ZNF236: variants seen among roughly 807,000 people sequenced by gnomAD.
ZNF236 encodes zinc finger protein 236.
ZNF236 carries 50 observed loss-of-function variants against 191.2 expected under a neutral mutation model. That is an observed-to-expected ratio of 0.26 (90% CI 0.21 to 0.33). The LOEUF is 0.33. Ranked by LOEUF, ZNF236 falls within the 10% of genes least tolerant of loss-of-function variation. The probability of loss-of-function intolerance (pLI) is 1.00; values close to 1 mark genes in which losing one functional copy is unlikely to be tolerated. For missense variants in ZNF236, 1,754 were observed against 2,374.5 expected (o/e 0.74, Z 5.43); for synonymous variants, 907 against 928.8 (o/e 0.98, Z 0.43).
chr18:76,897,669 C>T (rs375409820), intron 10 of ZNF236, among the ~76,000 whole-genome samples: 2 of 151,942 alleles, frequency 1.3e-5, no homozygotes, highest in South Asian at 2.1e-4. Context: ...TAGTACCAAA[C>T]ACAGTACTGC....
chr18:76,950,815 C>T (rs564580649), intron 27 of ZNF236, among the ~76,000 whole-genome samples: 6 of 152,328 alleles, frequency 3.9e-5, no homozygotes, highest in Admixed American at 2.6e-4. Flanking sequence ...CTATCTATGT[C>T]GGCTACAGCC....
At chr18:76,891,032 A>G (rs553176845) in intron 9 of ZNF236, among the ~76,000 whole-genome samples, 1 of 152,330 alleles carries the variant, frequency 6.6e-6, no homozygotes, top group East Asian at 1.9e-4. Flanking sequence ...ATTATAGTGT[A>G]TAATACATGT....
At chr18:76,933,506 C>T (rs540463568) in intron 25 of ZNF236, among the ~76,000 whole-genome samples, 1 of 150,866 alleles carries the variant, frequency 6.6e-6, no homozygotes, top group East Asian at 1.9e-4. Flanking sequence ...ATCAGTCTCT[C>T]TCTCTCACTC....
intron 11 of ZNF236, 92 bp downstream of exon 11, chr18:76,899,314 G>T: frequency 8.8e-7 from 1 of 1,141,952 alleles, no homozygotes; most frequent in Non-Finnish European, 1.2e-6. Flanking sequence ...GGTCTCTGTA[G>T]TTAAATAGTT....
chr18:76,841,650 C>T (rs117597800), intron 1 of ZNF236, among the ~76,000 whole-genome samples: 2,380 of 146,480 alleles, frequency 0.016, 29 homozygotes, highest in Non-Finnish European at 0.019. Context: ...ATTTGTCTGT[C>T]GTTTTTACAC....
chr18:76,938,545 T>C (rs1215645309), intron 26 of ZNF236, among the ~76,000 whole-genome samples: 1 of 152,238 alleles, frequency 6.6e-6, no homozygotes, highest in Admixed American at 6.5e-5. Context: ...TGGCCTCTTC[T>C]GAGCTCTAGT....
At chr18:76,912,585 T>C (rs1389620663) in intron 17 of ZNF236, among the ~76,000 whole-genome samples, 1 of 152,222 alleles carries the variant, frequency 6.6e-6, no homozygotes, top group African/African-American at 2.4e-5. Context: ...CTTCAGTTTG[T>C]CTGTTTGAAG....
intron 2 of ZNF236, 98 bp from the exon 3 acceptor site, chr18:76,851,677 T>C (rs1975876869): frequency 1.5e-6 from 2 of 1,322,924 alleles, no homozygotes; most frequent in South Asian, 3.5e-5. Flanking sequence ...CTGTAGATTG[T>C]CTGTACATTA....
chr18:76,918,024 A>T (rs1343413429), intron 19 of ZNF236, among the ~76,000 whole-genome samples: 1 of 152,076 alleles, frequency 6.6e-6, no homozygotes, highest in Non-Finnish European at 1.5e-5. Flanking sequence ...TGTGCTAAGA[A>T]AAATTATCCA....
intron 25 of ZNF236, among the ~76,000 whole-genome samples, chr18:76,930,115 G>A (rs1465810035): frequency 6.6e-6 from 1 of 152,198 alleles, no homozygotes; most frequent in Non-Finnish European, 1.5e-5. Flanking sequence ...AACCAAACAA[G>A]TGACATCTGC....
At chr18:76,857,060 G>A (rs1976059690) in intron 3 of ZNF236, among the ~76,000 whole-genome samples, 2 of 151,784 alleles carry the variant, frequency 1.3e-5, no homozygotes, top group Non-Finnish European at 2.9e-5. Context: ...TAGTTCCCAC[G>A]TGGACCACTT....
At chr18:76,851,729 G>GA in intron 2 of ZNF236, 46 bp from the exon 3 acceptor site, 1 of 1,574,662 alleles carries the variant, frequency 6.4e-7, no homozygotes. Context: ...AAGCATCTGT[G>GA]AAAAGATTGT....
At chr18:76,861,828 C>G (rs141714965) in intron 3 of ZNF236, among the ~76,000 whole-genome samples, 1 of 152,132 alleles carries the variant, frequency 6.6e-6, no homozygotes, top group Non-Finnish European at 1.5e-5. Flanking sequence ...GTTGGAGGGA[C>G]TTGAGGAATA....
At chr18:76,883,491 A>G (rs915453719) in intron 9 of ZNF236, among the ~76,000 whole-genome samples, 1 of 150,612 alleles carries the variant, frequency 6.6e-6, no homozygotes, top group Non-Finnish European at 1.5e-5. Context: ...TGGTGCAATT[A>G]TAGCTCACTG....
intron 3 of ZNF236, among the ~76,000 whole-genome samples, chr18:76,852,174 A>G (rs1975896809): frequency 6.6e-6 from 1 of 152,238 alleles, no homozygotes. Flanking sequence ...TTGAAGGATC[A>G]AAGTATATCC....
rs1402213560 is a variant in ZNF236, at chr18:76,909,279, C to T, written c.2551+706C>T. The stretch of plus-strand genomic sequence containing the variant: ...GCAGTGAGCCGAGATGGCGCCATTG[C>T]ACTCCAGCCTGGACAACGGAGTGAG... On this transcript the variant is annotated intron_variant, in intron 14 of 30. Transcript: ENST00000320610. Among the ~76,000 whole-genome samples the T allele has an allele frequency of 2.1e-5, 3 of 142,188 alleles. No individual in the cohort carries two copies. The East Asian group carries it at 6.2e-4, about 30-fold the overall frequency. The allele number at this position is 142,188 out of a possible 152,430, so 93.3% of individuals were successfully genotyped here. A position where few individuals can be genotyped will look rare whatever the true frequency, so the allele number is the denominator to read the frequency against.
chr18:76,880,436 G>A lies in ZNF236; in HGVS notation c.1188+120G>A, dbSNP rs1976858898. 1 of 1,081,466 alleles carries A rather than the reference G, an allele frequency of 9.2e-7. No homozygotes were observed. Among genetic ancestry groups the A allele is most frequent in the Non-Finnish European group, 1.3e-6 (1 of 779,850 alleles). The allele number at this position is 1,081,466 out of a possible 1,614,324, so 67.0% of individuals were successfully genotyped here. A position where few individuals can be genotyped will look rare whatever the true frequency, so the allele number is the denominator to read the frequency against. On this transcript the variant is annotated intron_variant, in intron 8 of 30. Coordinates refer to ENST00000320610, the MANE Select transcript of ZNF236 (RefSeq NM_001306089.2). This position sits in a 1 kb window ranked among gnomAD's most constrained non-coding sequence, Gnocchi z 5.0. ...AAGTCAGGGTATCCTCATGAAAAAT[G>A]TGCCTGAACCGAAAGAAATTAATAT...
intron 26 of ZNF236, among the ~76,000 whole-genome samples, chr18:76,940,702 A>T (rs567877727): frequency 6.6e-6 from 1 of 152,336 alleles, no homozygotes; most frequent in East Asian, 1.9e-4. Context: ...AAAGTTCAGT[A>T]AGTAGTTCTC....
chr18:76,878,278 C>G, intron 7 of ZNF236, 126 bp downstream of exon 7: 1 of 843,088 alleles, frequency 1.2e-6, no homozygotes, highest in Non-Finnish European at 1.7e-6. Context: ...AGAAAAGGTG[C>G]TACTTTTTAA....
Sources: gnomAD v4.1 joint callset for allele counts (sites outside exome capture counted in the v4.1 genomes callset) on GRCh38, gnomAD v4.1.1 for gene constraint, Gnocchi (gnomAD v3.1) non-coding constraint, MANE v1.5 for transcripts, NCBI Gene and HGNC (gene_info 2026-07-23, HGNC 2026-07-21) for gene names.